The following RALY variants were observed in gnomAD, a reference collection of about 807,000 sequenced individuals.
The protein encoded by RALY is RNA-binding protein Raly.
A neutral mutation model predicts 30.7 loss-of-function variants in RALY; 15 were observed. The ratio of observed to expected loss-of-function variants is 0.49; its 90% CI spans 0.33 to 0.75. RALY has a LOEUF of 0.75. RALY is among the 30% of genes least tolerant of loss of function. The pLI is 0.02. For synonymous variants in RALY, 177 were observed against 170.8 expected, an observed-to-expected ratio of 1.04 and a Z score of -0.28; for missense variants, 339 against 414.3, an observed-to-expected ratio of 0.82 and a Z score of 1.58.
chr20:34,070,352 G>A (rs542055700), intron 2 of RALY, among the ~76,000 whole-genome samples: 1 of 152,222 alleles, frequency 6.6e-6, no homozygotes, highest in African/African-American at 2.4e-5. Flanking sequence ...CTGAAATTGA[G>A]CTTCTCTCCT....
chr20:33,995,375 G>A (rs1240881249), intron 1 of RALY, among the ~76,000 whole-genome samples: 1 of 152,134 alleles, frequency 6.6e-6, no homozygotes, highest in Non-Finnish European at 1.5e-5. Context: ...GACCTTGCAG[G>A]TTCTCTGTGT....
At chr20:34,021,700 G>A (rs554113156) in intron 1 of RALY, among the ~76,000 whole-genome samples, 1 of 152,226 alleles carries the variant, frequency 6.6e-6, no homozygotes, top group East Asian at 1.9e-4. Flanking sequence ...GGCAAGTCCT[G>A]ATTTGCCTTT....
intron 2 of RALY, among the ~76,000 whole-genome samples, chr20:34,037,962 C>T (rs1357568136): frequency 2.0e-5 from 3 of 152,188 alleles, no homozygotes; most frequent in African/African-American, 7.2e-5. Context: ...ATGTAAGAAA[C>T]AGCTGTTCCT....
At chr20:33,999,608 C>G (rs192114576) in intron 1 of RALY, among the ~76,000 whole-genome samples, 1 of 152,304 alleles carries the variant, frequency 6.6e-6, no homozygotes, top group East Asian at 1.9e-4. Context: ...AAGTCCCTCT[C>G]TAAGCCGAAG....
chr20:34,041,379 C>A (rs1014121079), intron 2 of RALY, among the ~76,000 whole-genome samples: 1 of 152,164 alleles, frequency 6.6e-6, no homozygotes. Flanking sequence ...TTCAAGAAAC[C>A]GTACTGTGAA....
intron 3 of RALY, among the ~76,000 whole-genome samples, chr20:34,072,944 GTGT>G (rs2033770844): frequency 6.8e-6 from 1 of 148,016 alleles, no homozygotes; most frequent in Non-Finnish European, 1.5e-5. Context: ...GTGTGTGTGT[GTGT>G]GTGTGTGTGT....
intron 2 of RALY, among the ~76,000 whole-genome samples, chr20:34,057,081 A>G (rs1453808571): frequency 6.6e-6 from 1 of 152,252 alleles, no homozygotes; most frequent in Non-Finnish European, 1.5e-5. Flanking sequence ...CAGTAGTGTA[A>G]AAAATGATGC....
In RALY at chr20:34,048,499, G is replaced by A. The variant is rs150587877; in HGVS notation, c.-10+16895G>A. On this transcript the variant is annotated intron_variant, in intron 2 of 9. Transcript: ENST00000246194. ...AGAACTGGGACTTGCTCAAGATCACGAAACGCATTAGTAGTGGAGTTAGAA... is the reference window on the plus strand; with the variant it reads ...AGAACTGGGACTTGCTCAAGATCACAAAACGCATTAGTAGTGGAGTTAGAA... Among the ~76,000 whole-genome samples, 1,176 of 152,280 alleles carry A rather than the reference G, an allele frequency of 7.7e-3. 7 individuals are homozygous for A. Among genetic ancestry groups the A allele is most frequent in the Admixed American group, 0.011 (170 of 15,288 alleles).
rs2033885921 is a variant in RALY at position 34,076,635 on chromosome 20, G to A, written c.545-67G>A. On this transcript the variant is annotated intron_variant, in intron 6 of 9. Transcript: ENST00000246194. The stretch of plus-strand genomic sequence containing the variant: ...CTTTCCTGGTTGAAAGAACAGGGCT[G>A]AGGTTTTGTGCTAGTGTCAAGCCTC... 3.9e-5 allele frequency: 52 copies of A among 1,346,806 alleles called. 1 individual carries two copies. The South Asian group carries it at 6.4e-4, about 17-fold the overall frequency. 83.4% of individuals were successfully genotyped at this position (1,346,806 alleles called of 1,614,324 possible).
intron 1 of RALY, chr20:34,029,962 C>T (rs921246561): frequency 2.6e-5 from 4 of 152,204 alleles, no homozygotes; most frequent in Non-Finnish European, 5.9e-5. Context: ...GTTATTATAG[C>T]TTTGAGATTA....
chr20:34,029,371 G>A (rs1051106549), intron 1 of RALY, among the ~76,000 whole-genome samples: 1 of 151,876 alleles, frequency 6.6e-6, no homozygotes, highest in Non-Finnish European at 1.5e-5. Context: ...CGGGGGGCCG[G>A]GGGTTGCAGT....
intron 9 of RALY, among the ~76,000 whole-genome samples, chr20:34,079,495 A>G (rs140942274): frequency 5.6e-4 from 86 of 152,322 alleles, no homozygotes; most frequent in African/African-American, 1.7e-3. Context: ...GTCTGGATAG[A>G]TGACACATTT....
Position 34,081,500 on chromosome 20 carries a change from C to G in RALY, c.*1595C>G, listed in dbSNP as rs1043586595. 1 of 152,180 alleles carries G rather than the reference C, an allele frequency of 6.6e-6. No individual in the cohort carries two copies. Among genetic ancestry groups the G allele is most frequent in the African/African-American group, 2.4e-5 (1 of 41,410 alleles). The allele number at this position is 152,180 out of a possible 1,614,324, so 9.4% of individuals were successfully genotyped here. ...ATCATCAAAAAGGGCTTTAGGTTTT[C>G]CCTCCATCTTTACGTGTTGATCAAA... On this transcript the variant is annotated 3_prime_UTR_variant, in exon 10 of 10. Transcript: ENST00000246194.
intron 1 of RALY, among the ~76,000 whole-genome samples, chr20:34,021,026 A>G (rs112048703): frequency 2.4e-4 from 37 of 151,968 alleles, no homozygotes; most frequent in African/African-American, 2.4e-4. Flanking sequence ...CAGTGGTGCA[A>G]TCTTGGCTCA....
chr20:34,025,751 G>A (rs1242107576), intron 1 of RALY, among the ~76,000 whole-genome samples: 1 of 151,480 alleles, frequency 6.6e-6, no homozygotes, highest in East Asian at 1.9e-4. Context: ...AATCGTCTTC[G>A]GTCCCCAGGG....
intron 2 of RALY, among the ~76,000 whole-genome samples, chr20:34,035,336 A>T (rs1395558494): frequency 6.6e-6 from 1 of 152,020 alleles, no homozygotes; most frequent in Non-Finnish European, 1.5e-5. Flanking sequence ...TATTTATAGT[A>T]TCTACTATAT....
At position 34,050,727 on chromosome 20, in the gene RALY, G is replaced by A. The variant is rs149507578; in HGVS notation, c.-10+19123G>A. ...TCTCCTGGACAGATCTCATACAGAGGCTGCTGGGATCTGCTGTCCAAATGA... is the reference window on the plus strand; with the variant it reads ...TCTCCTGGACAGATCTCATACAGAGACTGCTGGGATCTGCTGTCCAAATGA... On this transcript the variant is annotated intron_variant, in intron 2 of 9. Transcript: ENST00000246194. Among the ~76,000 whole-genome samples the A allele has an allele frequency of 3.3e-5, 5 of 152,266 alleles. No homozygotes were observed. In the East Asian group the frequency reaches 7.7e-4, roughly 23 times the overall value.
Position 34,075,975 on chromosome 20 carries a change from C to CT in RALY, c.480dup (p.Asn161Ter). The CT allele has an allele frequency of 6.2e-7, 1 of 1,614,262 alleles. No homozygotes were observed. On this transcript the variant is annotated frameshift_variant, in exon 6 of 10. Coordinates refer to ENST00000246194, the MANE Select transcript of RALY (RefSeq NM_016732.3). LOFTEE classifies it high-confidence loss of function. The stretch of plus-strand genomic sequence containing the variant: ...GTCCCTTTGGTCCGGCGTGTCAAAA[C>CT]TAACGTACCTGTCAAGCTCTTTGCC...
intron 1 of RALY, among the ~76,000 whole-genome samples, chr20:34,003,501 C>G (rs2031013555): frequency 6.6e-6 from 1 of 152,052 alleles, no homozygotes; most frequent in South Asian, 2.1e-4. Flanking sequence ...ATGAAAGCAT[C>G]TGGACAGGGG....
Sources: allele counts gnomAD v4.1 joint callset (sites outside exome capture counted in the v4.1 genomes callset), GRCh38; gene constraint gnomAD v4.1.1; transcripts MANE v1.5; gene names NCBI Gene and HGNC (gene_info 2026-07-23, HGNC 2026-07-21).